CFAP54: variants seen among roughly 807,000 people sequenced by gnomAD.
CFAP54 encodes cilia- and flagella-associated protein 54.
Under a neutral mutation model 370.4 loss-of-function variants are expected in CFAP54, and 290 were observed. The observed-to-expected ratio is 0.78, with a 90% CI of 0.71 to 0.86. The LOEUF (loss-of-function observed/expected upper bound fraction) is 0.86. CFAP54 is among the 40% of genes least tolerant of loss of function. CFAP54 has a pLI of 0.00. For synonymous variants in CFAP54, 1,206 were observed against 1,236.5 expected, an observed-to-expected ratio of 0.98 and a Z score of 0.52; for missense variants, 3,399 against 3,528.7, an observed-to-expected ratio of 0.96 and a Z score of 0.93.
chr12:96,664,789 A>ATCTATATC (rs1565934561), intron 39 of CFAP54, among the ~76,000 whole-genome samples: 1,207 of 16,960 alleles, frequency 0.071, 29 homozygotes, highest in Non-Finnish European at 0.11. Context: ...ATATATATAT[A>ATCTATATC]TATATATATA....
At chr12:96,496,030 G>A (rs1342101847) in intron 1 of CFAP54, among the ~76,000 whole-genome samples, 1 of 152,124 alleles carries the variant, frequency 6.6e-6, no homozygotes, top group Non-Finnish European at 1.5e-5. Context: ...AGTGAAAGAG[G>A]TAATAAAGCA....
Position 96,757,540 on chromosome 12 carries a change from T to C in CFAP54, c.7992T>C (p.His2664=), listed in dbSNP as rs1002169439. 1 of 1,599,912 alleles carries C rather than the reference T, an allele frequency of 6.3e-7. No individual in the cohort carries two copies. The highest frequency in any genetic ancestry group is 8.5e-7 in the Non-Finnish European group (1 of 1,170,410). Residue 2664 remains histidine (H), a synonymous_variant, in exon 58 of 68, where the codon CAT becomes CAC. Transcript: ENST00000524981. ...SYLEMALLYF[H]LKKPKIKISG... is the part of the protein sequence containing the mutation. ...TAGAAATGGCTCTATTGTATTTTCA[T>C]CTGAAGAAGCCAAAGATAAAAATTT...
At chr12:96,736,755 G>C (rs1433397851) in intron 50 of CFAP54, among the ~76,000 whole-genome samples, 2 of 152,164 alleles carry the variant, frequency 1.3e-5, no homozygotes, top group Non-Finnish European at 2.9e-5. Context: ...ACTGCACCAA[G>C]AGGCCCATTG....
intron 33 of CFAP54, among the ~76,000 whole-genome samples, chr12:96,644,923 C>G (rs954105741): frequency 6.6e-6 from 1 of 152,138 alleles, no homozygotes; most frequent in African/African-American, 2.4e-5. Context: ...GTTTTAATCT[C>G]AGAATCTTTC....
intron 17 of CFAP54, among the ~76,000 whole-genome samples, chr12:96,558,760 C>G (rs1387970912): frequency 6.6e-6 from 1 of 152,124 alleles, no homozygotes; most frequent in Non-Finnish European, 1.5e-5. Flanking sequence ...TCTAAGACCT[C>G]AAACTATAAA....
intron 30 of CFAP54, 119 bp from the exon 31 acceptor site, chr12:96,629,974 A>G (rs1956588397): frequency 2.1e-6 from 1 of 468,136 alleles, no homozygotes; most frequent in Non-Finnish European, 3.8e-6. Flanking sequence ...GATGCATAGG[A>G]CACAAGCAGT....
intron 62 of CFAP54, among the ~76,000 whole-genome samples, chr12:96,790,106 G>A (rs990548928): frequency 2.6e-5 from 4 of 152,022 alleles, no homozygotes; most frequent in Non-Finnish European, 5.9e-5. Context: ...CAAGTCTTTC[G>A]GAGCTTTGTG....
intron 33 of CFAP54, among the ~76,000 whole-genome samples, chr12:96,647,609 G>T (rs868669633): frequency 1.3e-5 from 2 of 151,482 alleles, no homozygotes; most frequent in South Asian, 4.2e-4. Flanking sequence ...AGCTCACAGA[G>T]CCGGCACAGA....
At chr12:96,734,293 G>C (rs925384781) in intron 50 of CFAP54, among the ~76,000 whole-genome samples, 3 of 152,092 alleles carry the variant, frequency 2.0e-5, no homozygotes, top group Admixed American at 2.0e-4. Flanking sequence ...ATAATAGCTA[G>C]CATGCATTAT....
intron 11 of CFAP54, among the ~76,000 whole-genome samples, chr12:96,535,008 CTGTGTGTGTGTGTGTGTGTGTGTG>C (rs4018882): frequency 3.4e-4 from 47 of 137,442 alleles, no homozygotes; most frequent in Middle Eastern, 7.0e-3. Flanking sequence ...GTTTTCTTTT[CTGTGTGTGTGTGTGTGTGTGTGTG>C]TGTGTGTGTG....
Position 96,865,358 on chromosome 12 carries a change from G to C in CFAP54, c.*14+4406G>C, listed in dbSNP as rs141415283. On this transcript the variant is annotated intron_variant, in intron 67 of 67. Transcript: ENST00000524981. ...CATCTCAAAAGCAGGTTTAGCAAAA[G>C]AAAATCAAGTGTTGCAGGATATATG... Among the ~76,000 whole-genome samples the C allele has an allele frequency of 4.2e-3, 632 of 152,246 alleles. 3 individuals are homozygous for C. Among genetic ancestry groups the C allele is most frequent in the African/African-American group, 0.015 (606 of 41,574 alleles).
chr12:96,645,281 CACAAGCATTCTTAT>C, intron 33 of CFAP54: 2 of 409,060 alleles, frequency 4.9e-6, no homozygotes, highest in South Asian at 3.5e-5. Context: ...GAGCAAAAAG[CACAAGCATTCTTAT>C]ACACCAATAA....
chr12:96,490,711 TAAATA>T (rs68121904), intron 1 of CFAP54, among the ~76,000 whole-genome samples: 42,077 of 150,978 alleles, frequency 0.28, 6,121 homozygotes, highest in South Asian at 0.4. Context: ...TAATAATAAA[TAAATA>T]AAATAAAATA....
At chr12:96,765,268 T>A in intron 60 of CFAP54, 50 bp downstream of exon 60, 1 of 1,364,018 alleles carries the variant, frequency 7.3e-7, no homozygotes, top group Non-Finnish European at 9.8e-7. Flanking sequence ...ATATGTAATA[T>A]AGAATCAAGT....
intron 22 of CFAP54, among the ~76,000 whole-genome samples, chr12:96,587,663 A>G (rs7134867): frequency 0.21 from 31,962 of 152,128 alleles, 3,557 homozygotes; most frequent in South Asian, 0.27. Context: ...TGGAACAAAG[A>G]ACATTATTTT....
intron 50 of CFAP54, among the ~76,000 whole-genome samples, chr12:96,728,878 T>C (rs979428214): frequency 2.6e-5 from 4 of 152,218 alleles, no homozygotes; most frequent in African/African-American, 9.6e-5. Flanking sequence ...TTTCTGTTTG[T>C]TAGTTTTCCT....
At chr12:96,644,490 C>A in intron 33 of CFAP54, 82 bp downstream of exon 33, 11 of 990,062 alleles carry the variant, frequency 1.1e-5, no homozygotes, top group Non-Finnish European at 1.6e-5. Context: ...TCCAATGGTG[C>A]TAACAACTTA....
At chr12:96,543,075 T>C (rs1955595541) in intron 14 of CFAP54, among the ~76,000 whole-genome samples, 2 of 152,212 alleles carry the variant, frequency 1.3e-5, no homozygotes, top group Non-Finnish European at 2.9e-5. Flanking sequence ...TTCTTGCCAC[T>C]TGTCTTATTT....
intron 66 of CFAP54, among the ~76,000 whole-genome samples, chr12:96,843,792 C>T (rs61938374): frequency 1.8e-4 from 28 of 152,254 alleles, no homozygotes; most frequent in Non-Finnish European, 3.1e-4. Flanking sequence ...ACATAAATTC[C>T]TTTTACTCTG....
Sources: allele counts gnomAD v4.1 joint callset (sites outside exome capture counted in the v4.1 genomes callset), GRCh38; gene constraint gnomAD v4.1.1; transcripts MANE v1.5; gene names NCBI Gene and HGNC (gene_info 2026-07-23, HGNC 2026-07-21).